ZNF568: variants seen among roughly 807,000 people sequenced by gnomAD.
ZNF568 encodes zinc finger protein 568, also known as p53 inhibitor of SCO2 activation.
In ZNF568, 11 loss-of-function variants were observed where a neutral mutation model predicts 18.1. The ratio of observed to expected loss-of-function variants is 0.61; its 90% CI spans 0.38 to 1.00. The LOEUF (loss-of-function observed/expected upper bound fraction) is 1.00, where lower values mean the gene tolerates loss of function less well. ZNF568 is among the 50% of genes least tolerant of loss of function. The pLI is 0.01. For missense variants in ZNF568, 639 were observed against 768.2 expected (o/e 0.83, Z 1.99); for synonymous variants, 213 against 246.6 (o/e 0.86, Z 1.28).
At chr19:36,947,773 A>C (rs750053895) in intron 6 of ZNF568, among the ~76,000 whole-genome samples, 19 of 152,288 alleles carry the variant, frequency 1.2e-4, no homozygotes, top group Non-Finnish European at 2.4e-4. Context: ...GGTACAGCCC[A>C]CTGCATCTGG....
At chr19:36,978,171 C>T (rs576711738) in intron 7 of ZNF568, among the ~76,000 whole-genome samples, 12 of 152,322 alleles carry the variant, frequency 7.9e-5, no homozygotes, top group African/African-American at 2.9e-4. Context: ...CTGGTACTTT[C>T]AGGATAAATC....
downstream of ZNF568, among the ~76,000 whole-genome samples, chr19:36,957,679 G>C (rs1301946433): frequency 7.9e-5 from 12 of 152,150 alleles, no homozygotes; most frequent in Non-Finnish European, 4.4e-5. Context: ...GAGAAACAAA[G>C]AAGATGGATA....
chr19:36,978,982 CTTTTTTT>C, intron 7 of ZNF568: 7 of 261,048 alleles, frequency 2.7e-5, no homozygotes, highest in South Asian at 6.1e-5. Flanking sequence ...TTGTAACTAT[CTTTTTTT>C]TTTTTTTTTT....
intron 6 of ZNF568, among the ~76,000 whole-genome samples, chr19:36,961,537 A>G (rs149608462): frequency 6.6e-6 from 1 of 151,934 alleles, no homozygotes; most frequent in African/African-American, 2.4e-5. Flanking sequence ...AGTTATTATT[A>G]TTATTATGAG....
exon 8 of ZNF568, chr19:36,979,555 C>T (rs1412892908): frequency 6.6e-6 from 1 of 152,192 alleles, no homozygotes; most frequent in African/African-American, 2.4e-5. Flanking sequence ...AGAAATCATA[C>T]TGTTTGGATT....
chr19:36,960,172 C>T (rs535953279), intron 6 of ZNF568, among the ~76,000 whole-genome samples: 1 of 131,654 alleles, frequency 7.6e-6, no homozygotes, highest in Non-Finnish European at 1.5e-5. Flanking sequence ...GGCTAGAGTG[C>T]AATGGTGTAA....
rs1481797514 is a variant in ZNF568 at position 36,942,718 on chromosome 19, C to T, written c.358+5476C>T. The stretch of plus-strand genomic sequence containing the variant: ...ATTTGTTTACTCTGTTTCTCTCTTA[C>T]CCCCACTCCAGTTTTGTTTTGTTTT... On this transcript the variant is annotated intron_variant, in intron 6 of 6. Coordinates refer to ENST00000333987, the MANE Select transcript of ZNF568 (RefSeq NM_198539.4). Among the ~76,000 whole-genome samples the T allele has an allele frequency of 2.0e-5, 3 of 151,648 alleles. No homozygotes were observed. In the South Asian group the frequency reaches 6.2e-4, roughly 32 times the overall value.
chr19:36,966,273 C>A (rs1288788354), intron 6 of ZNF568, among the ~76,000 whole-genome samples: 1 of 151,994 alleles, frequency 6.6e-6, no homozygotes, highest in African/African-American at 2.4e-5. Context: ...GCAACAGAGA[C>A]TCTGTCTCAA....
intron 4 of ZNF568, among the ~76,000 whole-genome samples, chr19:36,992,417 GCTTGATCC>G (rs543730834): frequency 1.2e-3 from 180 of 151,568 alleles, no homozygotes; most frequent in African/African-American, 4.3e-3. Flanking sequence ...CAGGAGAATT[GCTTGATCC>G]CAGGAGGCAG....
chr19:36,971,967 T>C (rs1322398952), intron 6 of ZNF568, among the ~76,000 whole-genome samples: 2 of 151,624 alleles, frequency 1.3e-5, no homozygotes, highest in African/African-American at 4.9e-5. Context: ...CCTGAGTAGC[T>C]GGGACTACAG....
chr19:36,927,810 A>T (rs980097795), intron 4 of ZNF568, among the ~76,000 whole-genome samples: 36 of 130,648 alleles, frequency 2.8e-4, no homozygotes, highest in South Asian at 1.5e-3. Context: ...CATATATATA[A>T]AAAATATATA....
At chr19:36,964,677 G>A (rs1043074529) in intron 6 of ZNF568, among the ~76,000 whole-genome samples, 3 of 152,068 alleles carry the variant, frequency 2.0e-5, no homozygotes, top group East Asian at 1.9e-4. Flanking sequence ...TTTGGCGGAC[G>A]GTGTGACACA....
downstream of ZNF568, among the ~76,000 whole-genome samples, chr19:36,954,997 A>C (rs1328835130): frequency 6.6e-6 from 1 of 152,012 alleles, no homozygotes; most frequent in Non-Finnish European, 1.5e-5. Flanking sequence ...CTCCTGCCTC[A>C]GCCTCCTGAG....
exon 8 of ZNF568, chr19:36,979,106 C>G (rs1042013956): frequency 1.2e-5 from 3 of 252,180 alleles, no homozygotes; most frequent in Non-Finnish European, 2.4e-5. Flanking sequence ...GCCTCAGCCT[C>G]CCGAGTAGCT....
At chr19:36,954,078 G>C (rs2074089508), downstream of ZNF568, among the ~76,000 whole-genome samples, 1 of 151,656 alleles carries the variant, frequency 6.6e-6, no homozygotes, top group Non-Finnish European at 1.5e-5. Flanking sequence ...ACAAAAATTA[G>C]CTGGGCGTGG....
intron 6 of ZNF568, among the ~76,000 whole-genome samples, chr19:36,940,850 C>G (rs947552258): frequency 6.6e-6 from 1 of 152,080 alleles, no homozygotes; most frequent in African/African-American, 2.4e-5. Flanking sequence ...AATTAGAAAA[C>G]ATAACAAAAT....
chr19:36,941,056 GT>G (rs2073871344), intron 6 of ZNF568, among the ~76,000 whole-genome samples: 1 of 152,050 alleles, frequency 6.6e-6, no homozygotes, highest in Non-Finnish European at 1.5e-5. Flanking sequence ...TGTCAATTTA[GT>G]TTATTTTTTC....
At chr19:36,943,379 C>G (rs1324073308) in intron 6 of ZNF568, among the ~76,000 whole-genome samples, 1 of 152,078 alleles carries the variant, frequency 6.6e-6, no homozygotes, top group Non-Finnish European at 1.5e-5. Flanking sequence ...GAGAAAAACT[C>G]TCTCATTAAC....
chr19:36,982,755 A>G (rs1259153582), downstream of ZNF568, among the ~76,000 whole-genome samples: 1 of 152,168 alleles, frequency 6.6e-6, no homozygotes, highest in African/African-American at 2.4e-5. Context: ...TTTCTCTTTA[A>G]TCTGTTAACG....
Sources: gnomAD v4.1 joint callset for allele counts (sites outside exome capture counted in the v4.1 genomes callset) on GRCh38, gnomAD v4.1.1 for gene constraint, MANE v1.5 for transcripts, NCBI Gene and HGNC (gene_info 2026-07-23, HGNC 2026-07-21) for gene names.